The following SV2C variants were observed in gnomAD, a reference collection of about 807,000 sequenced individuals.
The protein encoded by SV2C is synaptic vesicle glycoprotein 2C.
A neutral mutation model predicts 79.7 loss-of-function variants in SV2C; 49 were observed. The ratio of observed to expected loss-of-function variants is 0.61; its 90% CI spans 0.49 to 0.78. The LOEUF (loss-of-function observed/expected upper bound fraction) is 0.78, where lower values mean the gene tolerates loss of function less well. Ranked by LOEUF, SV2C falls within the 30% of genes least tolerant of loss-of-function variation. The pLI, the probability that SV2C is intolerant of heterozygous loss-of-function variation, is 0.00. For missense variants in SV2C, 833 were observed against 912.9 expected (o/e 0.91, Z 1.13); for synonymous variants, 334 against 333.2 (o/e 1.00, Z -0.03).
the SV2C span, among the ~76,000 whole-genome samples, chr5:75,998,369 G>C: frequency 9.9e-5 from 15 of 152,090 alleles, no homozygotes; most frequent in East Asian, 1.2e-3. Context: ...CCCATGGGTA[G>C]TAGAGAAATA....
the SV2C span, among the ~76,000 whole-genome samples, chr5:75,924,717 T>C: frequency 2.0e-5 from 3 of 152,130 alleles, no homozygotes; most frequent in Non-Finnish European, 2.9e-5. Context: ...ATTGACTGTC[T>C]GGAGGAAATT....
intron 2 of SV2C, among the ~76,000 whole-genome samples, chr5:76,185,041 C>A (rs1486874317): frequency 6.6e-6 from 1 of 152,214 alleles, no homozygotes; most frequent in Non-Finnish European, 1.5e-5. Context: ...TACACAGATT[C>A]CCAATGGGAG....
chr5:76,266,523 T>A (rs543371682), intron 4 of SV2C, among the ~76,000 whole-genome samples: 54 of 152,208 alleles, frequency 3.5e-4, no homozygotes, highest in Non-Finnish European at 7.1e-4. Context: ...ATGTGAATCT[T>A]GAAGACATTA....
chr5:76,192,346 G>A (rs974619960), intron 2 of SV2C, among the ~76,000 whole-genome samples: 2 of 152,174 alleles, frequency 1.3e-5, no homozygotes, highest in African/African-American at 2.4e-5. Context: ...GAGAAGTGAG[G>A]ATCTAAAAGA....
chr5:75,963,284 G>A, the SV2C span, among the ~76,000 whole-genome samples: 5 of 152,070 alleles, frequency 3.3e-5, no homozygotes, highest in Non-Finnish European at 5.9e-5. Context: ...TCTTTTATTT[G>A]GTTTTACCTC....
intron 3 of SV2C, among the ~76,000 whole-genome samples, chr5:76,203,071 G>A (rs931410550): frequency 2.6e-5 from 4 of 152,086 alleles, no homozygotes; most frequent in Non-Finnish European, 4.4e-5. Flanking sequence ...CTGACCTTTT[G>A]GACACATTTT....
rs117290083 is a variant in SV2C, at chr5:76,117,178, G to T, written c.-101-14472G>T. ...AGCACATTTCCTGACCCAACCAATG[G>T]ATCTGGCAGAAACTAGTTTGTGGCC... On this transcript the variant is annotated intron_variant, in intron 1 of 12. Transcript: ENST00000502798. Among the ~76,000 whole-genome samples the T allele has an allele frequency of 1.7e-3, 258 of 152,246 alleles. 7 individuals are homozygous for T. The East Asian group carries it at 0.048, about 28-fold the overall frequency.
the SV2C span, among the ~76,000 whole-genome samples, chr5:75,897,864 CTGTT>C: frequency 2.6e-5 from 4 of 151,942 alleles, no homozygotes; most frequent in African/African-American, 7.3e-5. Context: ...ATTTGGCTCT[CTGTT>C]TGTCTGTTAT....
At chr5:76,117,540 A>G (rs1347217437) in intron 1 of SV2C, among the ~76,000 whole-genome samples, 1 of 152,228 alleles carries the variant, frequency 6.6e-6, no homozygotes, top group African/African-American at 2.4e-5. Flanking sequence ...TGAAGCATGG[A>G]GGATACATGC....
At chr5:76,089,391 G>T (rs867534933) in intron 1 of SV2C, among the ~76,000 whole-genome samples, 1 of 152,160 alleles carries the variant, frequency 6.6e-6, no homozygotes, top group Non-Finnish European at 1.5e-5. Context: ...GTATTCCATG[G>T]TGTATATGTA....
At chr5:76,155,730 T>C (rs572043812) in intron 2 of SV2C, among the ~76,000 whole-genome samples, 29 of 152,122 alleles carry the variant, frequency 1.9e-4, no homozygotes, top group Non-Finnish European at 3.8e-4. Context: ...CTATGGTTAC[T>C]GCCCCACCAC....
the SV2C span, among the ~76,000 whole-genome samples, chr5:76,036,758 A>G: frequency 6.6e-6 from 1 of 152,052 alleles, no homozygotes; most frequent in African/African-American, 2.4e-5. Flanking sequence ...TCTTTGTGGC[A>G]TTCTCTATAT....
the SV2C span, among the ~76,000 whole-genome samples, chr5:75,961,135 T>C: frequency 1.3e-5 from 2 of 152,056 alleles, no homozygotes; most frequent in African/African-American, 4.8e-5. Flanking sequence ...CTTGCCAATA[T>C]ATTTTCATAA....
intron 12 of SV2C, among the ~76,000 whole-genome samples, chr5:76,309,070 A>G (rs186565834): frequency 1.6e-4 from 24 of 152,314 alleles, no homozygotes; most frequent in Non-Finnish European, 3.2e-4. Context: ...AGTAGGTGAT[A>G]ACCAGTCAAA....
chr5:76,097,156 A>G (rs776255679), intron 1 of SV2C, among the ~76,000 whole-genome samples: 10 of 152,172 alleles, frequency 6.6e-5, no homozygotes, highest in Non-Finnish European at 1.3e-4. Context: ...CTTGCCTTGC[A>G]TGTCGCACAG....
chr5:76,060,250 T>G, the SV2C span, among the ~76,000 whole-genome samples: 12 of 152,122 alleles, frequency 7.9e-5, no homozygotes, highest in African/African-American at 2.9e-4. Flanking sequence ...AACTTGTCCT[T>G]TGAGCCAATC....
In SV2C at chr5:76,330,352, G is replaced by C. The variant is rs1427257853; in HGVS notation, c.*4805G>C. The C allele has an allele frequency of 6.6e-6, 1 of 152,114 alleles. No individual in the cohort carries two copies. The highest frequency in any genetic ancestry group is 1.9e-4 in the East Asian group (1 of 5,190). 9.4% of individuals were successfully genotyped at this position (152,114 alleles called of 1,614,324 possible). On this transcript the variant is annotated 3_prime_UTR_variant, in exon 13 of 13. Coordinates refer to ENST00000502798, the MANE Select transcript of SV2C (RefSeq NM_014979.4). ...ACTTAAGGCTAGCATGGTTGGGCAG[G>C]GGAAGAGCTGAGCCGAGCCTTCACT...
the SV2C span, among the ~76,000 whole-genome samples, chr5:76,071,347 C>T: frequency 6.6e-6 from 1 of 152,084 alleles, no homozygotes; most frequent in African/African-American, 2.4e-5. Flanking sequence ...TTCTGAGCTG[C>T]CGATGCATAT....
At chr5:76,321,764 T>A (rs937735006) in intron 12 of SV2C, among the ~76,000 whole-genome samples, 11 of 149,318 alleles carry the variant, frequency 7.4e-5, no homozygotes, top group African/African-American at 2.5e-4. Context: ...AAAAAAAAAA[T>A]TAAGTTTTCT....
Sources: gnomAD v4.1 joint callset for allele counts (sites outside exome capture counted in the v4.1 genomes callset) on GRCh38, gnomAD v4.1.1 for gene constraint, MANE v1.5 for transcripts, NCBI Gene and HGNC (gene_info 2026-07-23, HGNC 2026-07-21) for gene names.